COBLL1: variants seen among roughly 807,000 people sequenced by gnomAD.
COBLL1 encodes the protein cordon-bleu WH2 repeat protein like 1, also known as cordon-bleu protein-like 1.
Under a neutral mutation model 94.8 loss-of-function variants are expected in COBLL1, and 50 were observed. That is an observed-to-expected ratio of 0.53 (90% CI 0.42 to 0.67). The LOEUF is 0.67. Among genes scored for constraint, COBLL1 ranks in the 30% least tolerant of loss-of-function variants. The pLI, the probability that COBLL1 is intolerant of heterozygous loss-of-function variation, is 0.00. For synonymous variants in COBLL1, 448 were observed against 473.8 expected (o/e 0.95, Z 0.71); for missense variants, 1,362 against 1,348.7 (o/e 1.01, Z -0.15).
intron 3 of COBLL1, among the ~76,000 whole-genome samples, chr2:164,742,139 G>A (rs540880964): frequency 6.6e-6 from 1 of 152,034 alleles, no homozygotes; most frequent in Non-Finnish European, 1.5e-5. Context: ...CGGGTGACAG[G>A]ACGGAGAGAA....
intron 2 of COBLL1, among the ~76,000 whole-genome samples, chr2:164,768,415 G>GT (rs1172288109): frequency 2.1e-5 from 3 of 140,454 alleles, no homozygotes; most frequent in East Asian, 1.9e-4. Flanking sequence ...AACATTATGA[G>GT]ATTTTTTTTT....
intron 4 of COBLL1, 34 bp from the exon 5 acceptor site, chr2:164,728,231 A>T: frequency 7.5e-7 from 1 of 1,341,564 alleles, no homozygotes. Flanking sequence ...GTTGTACCAT[A>T]ATTCACTGAA....
chr2:164,744,995 T>A (rs2219118), intron 2 of COBLL1, among the ~76,000 whole-genome samples: 1 of 152,038 alleles, frequency 6.6e-6, no homozygotes, highest in Non-Finnish European at 1.5e-5. Flanking sequence ...TTTTTGAAAC[T>A]ATTACCTTTA....
chr2:164,706,348 C>T (rs1310123940), intron 7 of COBLL1, among the ~76,000 whole-genome samples: 3 of 152,152 alleles, frequency 2.0e-5, no homozygotes, highest in African/African-American at 7.2e-5. Flanking sequence ...GTCTGCTTCT[C>T]TTCATCTCCT....
In COBLL1 at chr2:164,740,780, G is replaced by A. The variant is rs114820121; in HGVS notation, c.230+2907C>T. ...TATAAAGTGTCGGAAGATTTTGGAA[G>A]CCAGAGTTAATCACTGATTCTGGGG... On this transcript the variant is annotated intron_variant, in intron 3 of 13. Coordinates refer to ENST00000652658, the MANE Select transcript of COBLL1 (RefSeq NM_001365672.2). 4.4e-3 allele frequency among the ~76,000 whole-genome samples: 663 copies of A among 152,300 alleles called. 4 individuals are homozygous for A. The highest frequency in any genetic ancestry group is 0.017 in the Middle Eastern group (5 of 294).
At chr2:164,742,082 A>C (rs2105556406) in intron 3 of COBLL1, among the ~76,000 whole-genome samples, 1 of 152,262 alleles carries the variant, frequency 6.6e-6, no homozygotes, top group East Asian at 1.9e-4. Context: ...GAAACAGAAG[A>C]AAAGTTAACT....
intron 9 of COBLL1, 22 bp from the exon 10 acceptor site, chr2:164,700,778 A>T (rs1463713310): frequency 7.1e-7 from 1 of 1,399,360 alleles, no homozygotes; most frequent in Admixed American, 1.9e-5. Flanking sequence ...TGCAGATATA[A>T]TCCTAAATAT....
chr2:164,837,311 T>C (rs1374554974), intron 2 of COBLL1: 2 of 289,442 alleles, frequency 6.9e-6, no homozygotes, highest in Non-Finnish European at 1.4e-5. Context: ...AGCACCCAAG[T>C]TGATGTCAGC....
intron 2 of COBLL1, among the ~76,000 whole-genome samples, chr2:164,833,101 G>A (rs1283373551): frequency 6.6e-6 from 1 of 152,084 alleles, no homozygotes; most frequent in Admixed American, 6.6e-5. Context: ...GCTCATGCCT[G>A]TAATCCCAGC....
At chr2:164,831,288 C>T (rs990260786) in intron 2 of COBLL1, among the ~76,000 whole-genome samples, 1 of 151,800 alleles carries the variant, frequency 6.6e-6, no homozygotes, top group Non-Finnish European at 1.5e-5. Flanking sequence ...AGCCACTGCA[C>T]TTCAGCCTGG....
intron 2 of COBLL1, among the ~76,000 whole-genome samples, chr2:164,803,660 T>G (rs1009117254): frequency 6.6e-6 from 1 of 152,210 alleles, no homozygotes; most frequent in Non-Finnish European, 1.5e-5. Context: ...TATTTTTAGA[T>G]AAGTAGGCTT....
At chr2:164,716,597 C>T (rs1282072835) in intron 7 of COBLL1, among the ~76,000 whole-genome samples, 1 of 152,068 alleles carries the variant, frequency 6.6e-6, no homozygotes, top group Non-Finnish European at 1.5e-5. Flanking sequence ...AAAATGTATT[C>T]TTTAGATGGA....
intron 5 of COBLL1, among the ~76,000 whole-genome samples, chr2:164,727,596 T>C (rs1448317279): frequency 1.3e-5 from 2 of 152,002 alleles, no homozygotes; most frequent in South Asian, 2.1e-4. Flanking sequence ...TCCACAGTAA[T>C]TCACACTTGA....
At chr2:164,755,933 C>A (rs372641469) in intron 2 of COBLL1, among the ~76,000 whole-genome samples, 49 of 152,266 alleles carry the variant, frequency 3.2e-4, no homozygotes, top group Middle Eastern at 3.4e-3. Context: ...GTTATCATTT[C>A]AGACCTTTAA....
At chr2:164,750,193 C>G (rs980578486) in intron 2 of COBLL1, among the ~76,000 whole-genome samples, 20 of 152,200 alleles carry the variant, frequency 1.3e-4, no homozygotes, top group Admixed American at 1.3e-4. Context: ...TCCCAACAAT[C>G]TCATGGTTAT....
chr2:164,751,409 A>AAGGG (rs1265459916), intron 2 of COBLL1, among the ~76,000 whole-genome samples: 3 of 151,888 alleles, frequency 2.0e-5, no homozygotes, highest in Non-Finnish European at 2.9e-5. Context: ...TTGAGGAAGG[A>AAGGG]AGGGAGGGAA....
intron 2 of COBLL1, among the ~76,000 whole-genome samples, chr2:164,664,088 C>A (rs1341295417): frequency 6.6e-6 from 1 of 152,200 alleles, no homozygotes; most frequent in Admixed American, 6.5e-5. Context: ...GTGACAGCTT[C>A]CCATTTTGCA....
chr2:164,803,602 A>G (rs1012749652), intron 2 of COBLL1, among the ~76,000 whole-genome samples: 1 of 151,832 alleles, frequency 6.6e-6, no homozygotes, highest in Admixed American at 6.6e-5. Context: ...AAAATAAAAT[A>G]AAATAAAAAG....
chr2:164,708,352 G>C (rs1684711099), intron 7 of COBLL1, among the ~76,000 whole-genome samples: 1 of 151,386 alleles, frequency 6.6e-6, no homozygotes, highest in African/African-American at 2.4e-5. Flanking sequence ...ATCCTGACTG[G>C]GGTAGGCATG....
Sources: gnomAD v4.1 joint callset for allele counts (sites outside exome capture counted in the v4.1 genomes callset) on GRCh38, gnomAD v4.1.1 for gene constraint, MANE v1.5 for transcripts, NCBI Gene and HGNC (gene_info 2026-07-23, HGNC 2026-07-21) for gene names.